The following ZNF577 variants were observed in gnomAD, a reference collection of about 807,000 sequenced individuals.
ZNF577 encodes zinc finger protein 577.
In ZNF577, 14 loss-of-function variants were observed where a neutral mutation model predicts 13.9. The ratio of observed to expected loss-of-function variants is 1.00; its 90% CI spans 0.66 to 1.57. The LOEUF is 1.57. Ranked by LOEUF, ZNF577 falls within the 40% of genes most tolerant of loss-of-function variation. The probability of loss-of-function intolerance (pLI) is 0.00; values close to 1 mark genes in which losing one functional copy is unlikely to be tolerated. For missense variants in ZNF577, 555 were observed against 579.2 expected (o/e 0.96, Z 0.43); for synonymous variants, 203 against 202.9 (o/e 1.00, Z 0.00).
chr19:51,876,419 G>A (rs557524869), intron 5 of ZNF577, among the ~76,000 whole-genome samples: 85 of 151,504 alleles, frequency 5.6e-4, no homozygotes, highest in African/African-American at 2.0e-3. Flanking sequence ...CCCTGAGAGT[G>A]AATTAAACTT....
At chr19:51,849,360 T>G (rs902679093) in intron 5 of ZNF577, among the ~76,000 whole-genome samples, 1 of 152,220 alleles carries the variant, frequency 6.6e-6, no homozygotes, top group African/African-American at 2.4e-5. Context: ...AAAATTCATG[T>G]GTTGAGACCT....
intron 9 of ZNF577, among the ~76,000 whole-genome samples, chr19:51,822,867 T>A (rs1010038414): frequency 1.3e-5 from 2 of 151,726 alleles, no homozygotes; most frequent in Non-Finnish European, 2.9e-5. Context: ...TTTCTGCTCT[T>A]TTTTTTTGTG....
intron 3 of ZNF577, 43 bp downstream of exon 3, chr19:51,880,280 A>G (rs778724188): frequency 6.3e-7 from 1 of 1,596,676 alleles, no homozygotes; most frequent in South Asian, 1.1e-5. Context: ...AGCTCTCTGA[A>G]GGAAAGAAGT....
At chr19:51,847,738 A>C (rs538630813) in intron 5 of ZNF577, among the ~76,000 whole-genome samples, 1 of 152,274 alleles carries the variant, frequency 6.6e-6, no homozygotes, top group East Asian at 1.9e-4. Context: ...ACCAATCCCA[A>C]GTCACGGAAT....
intron 9 of ZNF577, among the ~76,000 whole-genome samples, chr19:51,814,728 G>A (rs916695329): frequency 6.6e-6 from 1 of 151,776 alleles, no homozygotes; most frequent in African/African-American, 2.4e-5. Flanking sequence ...TCCTGACTCG[G>A]GTGATCTGCC....
Position 51,850,708 on chromosome 19 carries a change from A to G in ZNF577, c.284-5777T>C, listed in dbSNP as rs2084375150. ...GGGTATCCCCAAATTTACAGTTGGT[A>G]TTATTATAAAAAGTGATATTGGGGA... On this transcript the variant is annotated intron_variant and NMD_transcript_variant, in intron 5 of 10. Coordinates refer to the ZNF577 transcript ENST00000638827. 2.0e-5 allele frequency among the ~76,000 whole-genome samples: 3 copies of G among 152,228 alleles called. No homozygotes were observed. In the South Asian group the frequency reaches 6.2e-4, roughly 31 times the overall value.
rs562333356 is a variant in ZNF577 at position 51,877,297 on chromosome 19, T to G, written c.268A>C (p.Ser90Arg). 1.5e-5 allele frequency: 25 copies of G among 1,614,068 alleles called. 1 individual carries two copies. The South Asian group carries it at 2.7e-4, about 18-fold the overall frequency. Residue 90 changes from serine to arginine, a missense_variant, in exon 5 of 6, where the codon AGT (serine) becomes CGT (arginine). By Grantham distance (110) the Ser-to-Arg change is moderately radical (BLOSUM62 -1). Coordinates refer to ENST00000638348, the MANE Select transcript of ZNF577 (RefSeq NM_001370449.1). ...ACTCACTTACCTGGACAGATTTGAC[T>G]GTGGGCTGCTCCTTCTGCTATCCCT... ...PPGIAEGAAH[S>R]QICPGFVIQS...
intron 5 of ZNF577, among the ~76,000 whole-genome samples, chr19:51,876,820 C>T (rs926648516): frequency 1.3e-5 from 2 of 150,576 alleles, no homozygotes; most frequent in African/African-American, 2.4e-5. Context: ...CCCAGCTACT[C>T]GGGAGGCTGA....
At chr19:51,833,063 T>C (rs1404112041) in intron 9 of ZNF577, among the ~76,000 whole-genome samples, 1 of 152,256 alleles carries the variant, frequency 6.6e-6, no homozygotes, top group Non-Finnish European at 1.5e-5. Flanking sequence ...ATTGAATCTA[T>C]GGATTTGCTT....
rs772464374 is a variant in ZNF577, at chr19:51,880,523, TAA to T, written c.-19-124_-19-123del. 23 of 815,330 alleles carry T rather than the reference TAA, an allele frequency of 2.8e-5. No individual in the cohort carries two copies. The East Asian group carries it at 5.3e-4, about 19-fold the overall frequency. The allele number at this position is 815,330 out of a possible 1,614,324, so 50.5% of individuals were successfully genotyped here. On this transcript the variant is annotated intron_variant, in intron 2 of 5. Coordinates refer to ENST00000638348, the MANE Select transcript of ZNF577 (RefSeq NM_001370449.1). ...CCCCTGATCCATATATCTTGTTTCT[TAA>T]TTTGCCAGGATTTTAAGATTCCAAC...
In ZNF577 at chr19:51,859,190, A is replaced by G. The variant is rs534174875; in HGVS notation, c.284-14259T>C. 6.6e-4 allele frequency among the ~76,000 whole-genome samples: 100 copies of G among 152,306 alleles called. 2 individuals are homozygous for G. The South Asian group carries it at 0.02, about 31-fold the overall frequency. ...ACTTCATTCATTTGTATAACTGACC[A>G]TTTATGTATTCATGTGTACATGCAT... On this transcript the variant is annotated intron_variant and NMD_transcript_variant, in intron 5 of 10. Coordinates refer to the ZNF577 transcript ENST00000638827.
At chr19:51,807,790 C>T (rs1325904708) in intron 10 of ZNF577, among the ~76,000 whole-genome samples, 1 of 152,202 alleles carries the variant, frequency 6.6e-6, no homozygotes, top group Non-Finnish European at 1.5e-5. Flanking sequence ...GTCGACATTT[C>T]CCAAGCTGCA....
At chr19:51,828,366 TC>T (rs1238727669) in intron 9 of ZNF577, among the ~76,000 whole-genome samples, 6 of 120,484 alleles carry the variant, frequency 5.0e-5, no homozygotes, top group Non-Finnish European at 5.2e-5. Flanking sequence ...AGATTCCATC[TC>T]AAAAAAAAAA....
In ZNF577 at chr19:51,880,734, C is replaced by T. The variant is rs1351003841; in HGVS notation, c.-75G>A. The T allele has an allele frequency of 3.8e-6, 1 of 265,060 alleles. No individual in the cohort carries two copies. Among genetic ancestry groups the T allele is most frequent in the Non-Finnish European group, 7.3e-6 (1 of 137,034 alleles). 16.4% of individuals were successfully genotyped at this position (265,060 alleles called of 1,614,324 possible). On this transcript the variant is annotated 5_prime_UTR_variant, in exon 2 of 6. Transcript: ENST00000638348. The stretch of plus-strand genomic sequence containing the variant: ...GGGGCTAGCAACTCTAGTATGTTCT[C>T]TCTCTTCTGTCTATTCTGGGCCTTC...
At chr19:51,865,269 G>T (rs1462194348), downstream of ZNF577, among the ~76,000 whole-genome samples, 1 of 152,144 alleles carries the variant, frequency 6.6e-6, no homozygotes, top group Admixed American at 6.5e-5. Flanking sequence ...GCTAATTTTT[G>T]TATTTTTAGT....
chr19:51,874,264 A>G (rs2084719344), intron 5 of ZNF577, among the ~76,000 whole-genome samples: 1 of 152,238 alleles, frequency 6.6e-6, no homozygotes, highest in African/African-American at 2.4e-5. Flanking sequence ...GTGACTAATC[A>G]TTATTCTCTC....
intron 5 of ZNF577, among the ~76,000 whole-genome samples, chr19:51,846,763 A>G (rs1258596458): frequency 2.6e-5 from 4 of 152,070 alleles, no homozygotes; most frequent in Admixed American, 2.6e-4. Flanking sequence ...ATGAAAACAG[A>G]TGGCCATCTG....
intron 9 of ZNF577, among the ~76,000 whole-genome samples, chr19:51,812,259 A>G (rs986729081): frequency 4.6e-5 from 7 of 152,232 alleles, no homozygotes; most frequent in Non-Finnish European, 1.0e-4. Context: ...AATGGCCTTC[A>G]ATAATTAAAA....
chr19:51,831,208 A>C (rs10411054), intron 9 of ZNF577, among the ~76,000 whole-genome samples: 66,931 of 151,806 alleles, frequency 0.44, 14,944 homozygotes, highest in South Asian at 0.58. Context: ...CTCTGCCTCC[A>C]AGGTTCAAGC....
Sources: gnomAD v4.1 joint callset for allele counts (sites outside exome capture counted in the v4.1 genomes callset) on GRCh38, gnomAD v4.1.1 for gene constraint, MANE v1.5 for transcripts, NCBI Gene and HGNC (gene_info 2026-07-23, HGNC 2026-07-21) for gene names.